KDM1B: variants seen among roughly 807,000 people sequenced by gnomAD.
KDM1B encodes the protein lysine demethylase 1B, also known as lysine-specific histone demethylase 2.
Under a neutral mutation model 107.4 loss-of-function variants are expected in KDM1B, and 63 were observed. The ratio of observed to expected loss-of-function variants is 0.59; its 90% CI spans 0.48 to 0.72. KDM1B has a LOEUF of 0.72. KDM1B is among the 30% of genes least tolerant of loss of function. KDM1B has a pLI of 0.00. For missense variants in KDM1B, 749 were observed against 1,020.8 expected, an observed-to-expected ratio of 0.73 and a Z score of 3.63; for synonymous variants, 363 against 363.9, an observed-to-expected ratio of 1.00 and a Z score of 0.03.
At chr6:18,179,866 T>C (rs1171999200) in intron 7 of KDM1B, among the ~76,000 whole-genome samples, 1 of 134,684 alleles carries the variant, frequency 7.4e-6, no homozygotes, top group East Asian at 2.1e-4. Flanking sequence ...TTTTTTTTTT[T>C]TTTTTTTTTT....
Position 18,186,498 on chromosome 6 carries a change from G to A in KDM1B, c.573+688G>A, listed in dbSNP as rs149439140. Among the ~76,000 whole-genome samples the A allele has an allele frequency of 6.6e-6, 1 of 152,254 alleles. No individual in the cohort carries two copies. The highest frequency in any genetic ancestry group is 1.9e-4 in the East Asian group (1 of 5,182). On this transcript the variant is annotated intron_variant, in intron 8 of 21. Transcript: ENST00000650836. The surrounding 1 kb of genome is among the most constrained non-coding windows in gnomAD (Gnocchi z 5.6). ...TAGATGTCTGAAACTCAGGAACTACGATAGCTTTTCAGGCAAAGACAGCAT... is the reference window on the plus strand; with the variant it reads ...TAGATGTCTGAAACTCAGGAACTACAATAGCTTTTCAGGCAAAGACAGCAT...
At position 18,217,785 on chromosome 6, in the gene KDM1B, GGATCCA is replaced by G; in HGVS notation, c.2289_2294del (p.Ile763_Gln764del). ...GTCACTCGGTGGAGCACAGACCCAT[GGATCCA>G]GATGGCATACAGTTTTGTGAAGACA... is the stretch of plus-strand genomic sequence containing the variant. On this transcript the variant is annotated inframe_deletion, in exon 21 of 22. Transcript: ENST00000650836. 1 of 1,613,852 alleles carries G rather than the reference GGATCCA, an allele frequency of 6.2e-7. No individual in the cohort carries two copies. The highest frequency in any genetic ancestry group is 1.1e-5 in the South Asian group (1 of 91,064).
intron 6 of KDM1B, among the ~76,000 whole-genome samples, chr6:18,169,469 G>A (rs989863414): frequency 4.6e-5 from 7 of 152,052 alleles, no homozygotes; most frequent in Admixed American, 1.3e-4. Context: ...CAGGTCATCT[G>A]CCTGCCTCAG....
At chr6:18,157,512 A>G (rs553597569) in intron 2 of KDM1B, among the ~76,000 whole-genome samples, 20 of 152,318 alleles carry the variant, frequency 1.3e-4, no homozygotes, top group Middle Eastern at 6.8e-3. Flanking sequence ...CAAATGTTGC[A>G]TGAACCTAGG....
At chr6:18,198,834 C>G (rs989702317) in intron 12 of KDM1B, among the ~76,000 whole-genome samples, 1 of 150,578 alleles carries the variant, frequency 6.6e-6, no homozygotes, top group African/African-American at 2.4e-5. Flanking sequence ...TCTAGGCAGG[C>G]TAGTCTTTAA....
intron 10 of KDM1B, among the ~76,000 whole-genome samples, chr6:18,194,333 C>G (rs537454596): frequency 2.0e-5 from 3 of 151,682 alleles, no homozygotes; most frequent in African/African-American, 7.3e-5. Context: ...CCCCATCCCC[C>G]CAACCATCTT....
At chr6:18,163,825 C>T (rs1785118086) in intron 5 of KDM1B, among the ~76,000 whole-genome samples, 6 of 152,062 alleles carry the variant, frequency 3.9e-5, no homozygotes, top group Admixed American at 3.9e-4. Flanking sequence ...TCAAAGTTTG[C>T]TTTATGGCCC....
intron 7 of KDM1B, among the ~76,000 whole-genome samples, chr6:18,171,899 C>T (rs1785688251): frequency 6.6e-6 from 1 of 152,192 alleles, no homozygotes; most frequent in Non-Finnish European, 1.5e-5. Context: ...CTGGGGGAAA[C>T]AGGAGCTTTC....
rs769065080 is a variant in KDM1B at position 18,166,429 on chromosome 6, A to C, written c.417+51A>C. On this transcript the variant is annotated intron_variant, in intron 6 of 21. Coordinates refer to ENST00000650836, the MANE Select transcript of KDM1B (RefSeq NM_001364614.2). ...GTGAAGTATTTGTGGAGCCAAATGC[A>C]AGAGGCATGGATGAAAATGCTGTTT... 7.8e-6 allele frequency: 8 copies of C among 1,019,576 alleles called. No individual in the cohort carries two copies. The Admixed American group carries it at 1.2e-4, about 16-fold the overall frequency. 63.2% of individuals were successfully genotyped at this position (1,019,576 alleles called of 1,614,324 possible). A position where few individuals can be genotyped will look rare whatever the true frequency, so the allele number is the denominator to read the frequency against.
In KDM1B at chr6:18,207,455, ACT is replaced by A; in HGVS notation, c.1720_1721del (p.Leu574AlafsTer10). On this transcript the variant is annotated frameshift_variant, in exon 16 of 22. Coordinates refer to ENST00000650836, the MANE Select transcript of KDM1B (RefSeq NM_001364614.2). LOFTEE classifies it high-confidence loss of function. ...EFFAQFAGDHTLLTPGYSVII... is the reference protein window; with the variant it reads ...EFFAQFAGDHXLLTPGYSVII... Reference sequence around the variant, plus strand: ...CTTTGCCCAGTTTGCTGGTGACCACACTCTGCTAACTCCCGGGTACTCGGTGA... The same window carrying A: ...CTTTGCCCAGTTTGCTGGTGACCACACTGCTAACTCCCGGGTACTCGGTGA... The A allele has an allele frequency of 5.0e-6, 8 of 1,614,070 alleles. No individual in the cohort carries two copies. Among genetic ancestry groups the A allele is most frequent in the Non-Finnish European group, 6.8e-6 (8 of 1,180,006 alleles).
chr6:18,182,679 G>A (rs965445991), intron 7 of KDM1B, among the ~76,000 whole-genome samples: 25 of 151,988 alleles, frequency 1.6e-4, no homozygotes, highest in East Asian at 5.8e-4. Flanking sequence ...ACAGGCACGC[G>A]ACCATGCACA....
rs1039217550 is a variant in KDM1B, at chr6:18,197,925, CTTTTTTT to C, written c.1221+276_1221+282del. Among the ~76,000 whole-genome samples the C allele has an allele frequency of 3.1e-5, 4 of 130,014 alleles. No homozygotes were observed. The South Asian group carries it at 7.7e-4, about 25-fold the overall frequency. The allele number at this position is 130,014 out of a possible 152,430, so 85.3% of individuals were successfully genotyped here. A position where few individuals can be genotyped will look rare whatever the true frequency, so the allele number is the denominator to read the frequency against. ...CTAACTTGGCATTAAAGTAGAAATT[CTTTTTTT>C]TTTTTTTTTTTGAGACAGAGTCTTG... On this transcript the variant is annotated intron_variant, in intron 12 of 21. Transcript: ENST00000650836. This position sits in a 1 kb window ranked among gnomAD's most constrained non-coding sequence, Gnocchi z 4.5.
intron 7 of KDM1B, among the ~76,000 whole-genome samples, chr6:18,184,177 T>A (rs1219023918): frequency 1.3e-5 from 2 of 152,086 alleles, no homozygotes; most frequent in African/African-American, 4.8e-5. Context: ...TACCTACTTT[T>A]CTGACTTACA....
At chr6:18,220,813 A>C in intron 21 of KDM1B, among the ~76,000 whole-genome samples, 1 of 147,156 alleles carries the variant, frequency 6.8e-6, no homozygotes, top group African/African-American at 2.5e-5. Flanking sequence ...GCTGTGTCGC[A>C]CAGGCTGGAG....
intron 7 of KDM1B, among the ~76,000 whole-genome samples, chr6:18,176,244 G>C (rs899849877): frequency 1.3e-4 from 20 of 152,074 alleles, no homozygotes; most frequent in African/African-American, 4.6e-4. Context: ...TTCTTGATTT[G>C]ACTCTCTGCT....
chr6:18,208,454 G>A (rs548905435), intron 17 of KDM1B, among the ~76,000 whole-genome samples: 3 of 151,140 alleles, frequency 2.0e-5, no homozygotes, highest in South Asian at 4.2e-4. Context: ...GAGTTCTAGG[G>A]CACATTAGTC....
chr6:18,177,299 G>A (rs1401364729), intron 7 of KDM1B, among the ~76,000 whole-genome samples: 2 of 151,952 alleles, frequency 1.3e-5, no homozygotes. Flanking sequence ...TTTCAGTGGT[G>A]TCAGTTGTAA....
chr6:18,173,432 T>C (rs988363755), intron 7 of KDM1B, among the ~76,000 whole-genome samples: 1 of 152,166 alleles, frequency 6.6e-6, no homozygotes, highest in Non-Finnish European at 1.5e-5. Flanking sequence ...ATTTTGAATA[T>C]TTTTTCCCCC....
At position 18,223,690 on chromosome 6, in the gene KDM1B, A is replaced by C. The variant is rs1293680307; in HGVS notation, c.*1698A>C. On this transcript the variant is annotated 3_prime_UTR_variant, in exon 22 of 22. Transcript: ENST00000650836. ...TACTTCATTTGATTTTTTGTTTAAG[A>C]AGCCATGGTACTTTTTTCTTGAGTT... 1 of 152,154 alleles carries C rather than the reference A, an allele frequency of 6.6e-6. No individual in the cohort carries two copies. Among genetic ancestry groups the C allele is most frequent in the East Asian group, 1.9e-4 (1 of 5,196 alleles). 9.4% of individuals were successfully genotyped at this position (152,154 alleles called of 1,614,324 possible).
Sources: allele counts gnomAD v4.1 joint callset (sites outside exome capture counted in the v4.1 genomes callset), GRCh38; gene constraint gnomAD v4.1.1; non-coding constraint Gnocchi (gnomAD v3.1); transcripts MANE v1.5; gene names NCBI Gene and HGNC (gene_info 2026-07-23, HGNC 2026-07-21).